PDPR: variants seen among roughly 807,000 people sequenced by gnomAD.
PDPR encodes the protein pyruvate dehydrogenase phosphatase regulatory subunit.
In PDPR, 50 loss-of-function variants were observed where a neutral mutation model predicts 102.2. That is an observed-to-expected ratio of 0.49 (90% confidence interval 0.39 to 0.62). The LOEUF (loss-of-function observed/expected upper bound fraction) is 0.62, where lower values mean the gene tolerates loss of function less well. Among genes scored for constraint, PDPR ranks in the 20% least tolerant of loss-of-function variants. The pLI is 0.00. For missense variants in PDPR, 625 were observed against 1,098.2 expected, an observed-to-expected ratio of 0.57 and a Z score of 6.09; for synonymous variants, 259 against 406.0, an observed-to-expected ratio of 0.64 and a Z score of 4.35.
At chr16:70,130,369 C>G in intron 6 of PDPR, 54 bp from the exon 7 acceptor site, 2 of 1,599,438 alleles carry the variant, frequency 1.3e-6, no homozygotes, top group African/African-American at 2.7e-5. Context: ...GCTGCACATG[C>G]CTTCATTCTG....
Position 70,143,550 on chromosome 16 carries a change from T to A in PDPR, c.1646T>A (p.Phe549Tyr), listed in dbSNP as rs1217914165. The change falls in exon 14 of 19, where the codon TTC (phenylalanine) becomes TAC (tyrosine). Residue 549 changes from phenylalanine to tyrosine, a missense_variant. By Grantham distance (22) the Phe-to-Tyr change is conservative (BLOSUM62 3). Around this residue, in one of 11 missense-constraint regions of PDPR, gnomAD observed 28 missense variants for 141.2 expected, o/e 0.20. Transcript: ENST00000288050. ...GCATTAGAAGTTCTACAGTACCTCT[T>A]CTCCAATGACCTGGATGTGCCTGTG... ...DQALEVLQYL[F>Y]SNDLDVPVGH... is the part of the protein sequence containing the mutation. The A allele has an allele frequency of 6.2e-7, 1 of 1,613,690 alleles. No homozygotes were observed. Among genetic ancestry groups the A allele is most frequent in the East Asian group, 2.2e-5 (1 of 44,894 alleles).
At chr16:70,126,470 T>C (rs976768800) in intron 3 of PDPR, among the ~76,000 whole-genome samples, 1 of 152,238 alleles carries the variant, frequency 6.6e-6, no homozygotes, top group African/African-American at 2.4e-5. Context: ...TTCATGCCAT[T>C]CTCCTTCCTC....
At chr16:70,142,833 G>A (rs541613644) in intron 13 of PDPR, 147 bp downstream of exon 13, 564 of 1,355,148 alleles carry the variant, frequency 4.2e-4, no homozygotes, top group Non-Finnish European at 5.1e-4. Flanking sequence ...CCAAGGGGGC[G>A]TGGATCACCT....
At chr16:70,119,466 C>G (rs1323072680) in intron 2 of PDPR, among the ~76,000 whole-genome samples, 2 of 150,000 alleles carry the variant, frequency 1.3e-5, no homozygotes, top group African/African-American at 5.0e-5. Flanking sequence ...TGATGGCACC[C>G]AAGGGCTGTG....
rs556989088 is a variant in PDPR at position 70,151,017 on chromosome 16, C to T, written c.2053-2374C>T. 3.5e-4 allele frequency among the ~76,000 whole-genome samples: 53 copies of T among 152,360 alleles called. 1 individual carries two copies. The highest frequency in any genetic ancestry group is 1.2e-3 in the African/African-American group (49 of 41,576). On this transcript the variant is annotated intron_variant, in intron 17 of 18. Coordinates refer to ENST00000288050, the MANE Select transcript of PDPR (RefSeq NM_017990.5). Reference sequence around the variant, plus strand: ...TGGCATGATCTCGGCTCACTGCAAGCCCCACCTCCTGGGTTCAAGCGATTC... The same window carrying T: ...TGGCATGATCTCGGCTCACTGCAAGTCCCACCTCCTGGGTTCAAGCGATTC...
At chr16:70,145,216 G>T (rs1285430918) in intron 15 of PDPR, among the ~76,000 whole-genome samples, 1 of 152,192 alleles carries the variant, frequency 6.6e-6, no homozygotes, top group Non-Finnish European at 1.5e-5. Flanking sequence ...TCATGCCATT[G>T]CACCTCCACC....
chr16:70,145,338 A>G (rs186314318), intron 15 of PDPR, among the ~76,000 whole-genome samples: 21 of 151,816 alleles, frequency 1.4e-4, no homozygotes, highest in African/African-American at 4.8e-4. Context: ...GGGTTTCACC[A>G]TGTTGGCCAG....
At chr16:70,120,741 G>T (rs754883815) in intron 3 of PDPR, 22 bp downstream of exon 3, 8 of 1,488,230 alleles carry the variant, frequency 5.4e-6, no homozygotes, top group Non-Finnish European at 7.5e-6. Context: ...ACTGCATTTG[G>T]CTCATGGCTG....
intron 4 of PDPR, among the ~76,000 whole-genome samples, chr16:70,128,156 G>T (rs1597316304): frequency 2.0e-5 from 3 of 152,252 alleles, no homozygotes; most frequent in Admixed American, 6.5e-5. Context: ...AAGACTAGGA[G>T]GAGAAAGGGT....
chr16:70,163,068 C>A (rs1479110672), downstream of PDPR, among the ~76,000 whole-genome samples: 3 of 152,266 alleles, frequency 2.0e-5, no homozygotes, highest in Admixed American at 2.0e-4. Context: ...CCTGCCTTAG[C>A]CTCCAGAGTA....
intron 10 of PDPR, among the ~76,000 whole-genome samples, 173 bp downstream of exon 10, chr16:70,136,559 T>C (rs2152092078): frequency 6.6e-6 from 1 of 152,096 alleles, no homozygotes; most frequent in Non-Finnish European, 1.5e-5. Context: ...TATGAGAGGC[T>C]CCCCATGTTC....
intron 9 of PDPR, among the ~76,000 whole-genome samples, chr16:70,135,855 G>A (rs1164291391): frequency 6.6e-6 from 1 of 152,246 alleles, no homozygotes; most frequent in Admixed American, 6.5e-5. Context: ...ATCACTTGAG[G>A]TCAAGAGTTC....
At chr16:70,163,424 G>T (rs1384891671), downstream of PDPR, among the ~76,000 whole-genome samples, 3 of 152,300 alleles carry the variant, frequency 2.0e-5, no homozygotes, top group African/African-American at 4.8e-5. Context: ...CTCCCCACTC[G>T]CCTCTCCCTA....
At chr16:70,133,025 C>A (rs1964701546) in intron 9 of PDPR, among the ~76,000 whole-genome samples, 1 of 151,666 alleles carries the variant, frequency 6.6e-6, no homozygotes, top group Non-Finnish European at 1.5e-5. Flanking sequence ...GTTGCCCAGG[C>A]TGGTCTCGAA....
intron 2 of PDPR, 104 bp from the exon 3 acceptor site, chr16:70,120,357 A>C: frequency 1.4e-6 from 1 of 696,182 alleles, no homozygotes; most frequent in Non-Finnish European, 2.5e-6. Context: ...GCCACCCTCA[A>C]ATATTTGCTG....
chr16:70,138,282 G>GAT (rs1965369255), intron 10 of PDPR, among the ~76,000 whole-genome samples: 1 of 143,478 alleles, frequency 7.0e-6, no homozygotes, highest in Non-Finnish European at 1.5e-5. Context: ...GCAATGGCGT[G>GAT]ATCTAGGCTT....
intron 2 of PDPR, chr16:70,120,257 AG>A (rs962036336): frequency 1.1e-5 from 5 of 458,968 alleles, no homozygotes; most frequent in Admixed American, 6.8e-5. Flanking sequence ...TCACTGTGTT[AG>A]CCAGGATGGT....
At chr16:70,163,304 C>T (rs1291394686), downstream of PDPR, among the ~76,000 whole-genome samples, 3 of 152,012 alleles carry the variant, frequency 2.0e-5, no homozygotes, top group African/African-American at 4.8e-5. Context: ...TTGAGAATCT[C>T]ATAGGTTAAC....
At chr16:70,116,601 G>C (rs2911050) in intron 2 of PDPR, among the ~76,000 whole-genome samples, 40,699 of 124,088 alleles carry the variant, frequency 0.33, 7,016 homozygotes, top group Non-Finnish European at 0.34. Flanking sequence ...TGTGGTGAGA[G>C]AGTATTGAAT....
Sources: allele counts gnomAD v4.1 joint callset (sites outside exome capture counted in the v4.1 genomes callset), GRCh38; gene constraint gnomAD v4.1.1; regional missense constraint gnomAD v4.1.1; transcripts MANE v1.5; gene names NCBI Gene and HGNC (gene_info 2026-07-23, HGNC 2026-07-21).